The following GRID2 variants were observed in gnomAD, a reference collection of about 807,000 sequenced individuals.
GRID2 encodes glutamate receptor ionotropic, delta-2.
In GRID2, 33 loss-of-function variants were observed where a neutral mutation model predicts 114.8. The observed-to-expected ratio is 0.29, with a 90% CI of 0.22 to 0.38. GRID2 has a LOEUF of 0.38. GRID2 is among the 10% of genes least tolerant of loss of function. The pLI, the probability that GRID2 is intolerant of heterozygous loss-of-function variation, is 1.00. For synonymous variants in GRID2, 505 were observed against 449.9 expected (o/e 1.12, Z -1.55); for missense variants, 1,184 against 1,257.7 (o/e 0.94, Z 0.89).
In GRID2 at chr4:92,578,733, A is replaced by AATCTATCT. The variant is rs75145260; in HGVS notation, c.89-11372_89-11365dup. On this transcript the variant is annotated intron_variant, in intron 1 of 15. Coordinates refer to ENST00000282020, the MANE Select transcript of GRID2 (RefSeq NM_001510.4). ...AAATATCATTATCTATCTATCTATC[A>AATCTATCT]ATCTATCTATCTATCTATCTATCTA... is the stretch of plus-strand genomic sequence containing the variant. 3.5e-3 allele frequency among the ~76,000 whole-genome samples: 530 copies of AATCTATCT among 149,446 alleles called. 1 individual carries two copies. Among genetic ancestry groups the AATCTATCT allele is most frequent in the African/African-American group, 8.9e-3 (359 of 40,542 alleles).
chr4:92,796,701 G>T (rs1467350543), intron 2 of GRID2, among the ~76,000 whole-genome samples: 1 of 151,820 alleles, frequency 6.6e-6, no homozygotes, highest in Non-Finnish European at 1.5e-5. Context: ...GAACTTGTTT[G>T]CTGCCTCTTG....
intron 13 of GRID2, among the ~76,000 whole-genome samples, chr4:93,608,140 A>C (rs59285399): frequency 0.038 from 5,736 of 149,666 alleles, 375 homozygotes; most frequent in African/African-American, 0.13. Context: ...ATATACGTCT[A>C]TGTGTATACA....
chr4:93,626,058 A>T lies in GRID2; in HGVS notation c.2194-211A>T, dbSNP rs6532419. 0.28 allele frequency among the ~76,000 whole-genome samples: 42,322 copies of T among 152,192 alleles called. 8,437 individuals are homozygous for T. The highest frequency in any genetic ancestry group is 0.57 in the African/African-American group (23,680 of 41,500). On this transcript the variant is annotated intron_variant, in intron 13 of 15. Transcript: ENST00000282020. ...GTAGAGATTATATGCAAATACTATG[A>T]CATTTTATATAAGGACTTGAGCATC... is the stretch of plus-strand genomic sequence containing the variant.
exon 2 of GRID2, chr4:93,807,135 A>C (rs752224939): frequency 6.6e-6 from 1 of 152,216 alleles, no homozygotes; most frequent in Non-Finnish European, 1.5e-5. Flanking sequence ...CCTTAGAAGG[A>C]TGCTTCTATG....
rs564205362 is a variant in GRID2 at position 92,587,278 on chromosome 4, A to T, written c.89-2853A>T. ...TAGATGCTTTGACATCATGTTAACT[A>T]CATAGTTAAGAATGTTACATTTGAG... On this transcript the variant is annotated intron_variant, in intron 1 of 15. Transcript: ENST00000282020. 7.2e-4 allele frequency among the ~76,000 whole-genome samples: 109 copies of T among 152,116 alleles called. 1 individual carries two copies. The highest frequency in any genetic ancestry group is 9.3e-4 in the Non-Finnish European group (63 of 67,968).
rs541561480 is a variant in GRID2 at position 93,157,092 on chromosome 4, G to C, written c.735+46139G>C. Among the ~76,000 whole-genome samples, 6 of 151,812 alleles carry C rather than the reference G, an allele frequency of 4.0e-5. No homozygotes were observed. In the East Asian group the frequency reaches 1.2e-3, roughly 29 times the overall value. On this transcript the variant is annotated intron_variant, in intron 4 of 15. Transcript: ENST00000282020. ...ATTTTACTCAATCCCTTCTGTTAAA[G>C]TGAAATTTTGTCACCAAATGAATCC... is the stretch of plus-strand genomic sequence containing the variant.
chr4:93,691,840 A>C (rs1726592105), intron 14 of GRID2, among the ~76,000 whole-genome samples: 1 of 151,906 alleles, frequency 6.6e-6, no homozygotes, highest in African/African-American at 2.4e-5. Context: ...TCATTCTCTG[A>C]GATCTGACAT....
chr4:92,706,483 C>CACATATATTAGTCAT (rs1278235144), intron 2 of GRID2, among the ~76,000 whole-genome samples: 2 of 152,024 alleles, frequency 1.3e-5, no homozygotes, highest in Admixed American at 6.6e-5. Context: ...GTATGAGTCA[C>CACATATATTAGTCAT]ACATATATTA....
chr4:93,569,184 AC>A (rs1417698634), intron 13 of GRID2, among the ~76,000 whole-genome samples: 1 of 152,174 alleles, frequency 6.6e-6, no homozygotes. Context: ...AGTTCAAGCT[AC>A]TGTCTTCTGG....
chr4:92,314,914 T>C (rs1725889842), intron 1 of GRID2, among the ~76,000 whole-genome samples: 2 of 152,164 alleles, frequency 1.3e-5, no homozygotes, highest in Admixed American at 6.5e-5. Flanking sequence ...ATAAATTCAT[T>C]TGGCATATCA....
At chr4:92,722,446 A>G (rs542046461) in intron 2 of GRID2, among the ~76,000 whole-genome samples, 1 of 152,302 alleles carries the variant, frequency 6.6e-6, no homozygotes, top group East Asian at 1.9e-4. Context: ...GAGAATGAGG[A>G]AAAGGGGAAC....
At chr4:92,824,136 G>C (rs909243345) in intron 2 of GRID2, among the ~76,000 whole-genome samples, 1 of 152,134 alleles carries the variant, frequency 6.6e-6, no homozygotes, top group Non-Finnish European at 1.5e-5. Context: ...GGAATGTTAG[G>C]AGTTTGACCT....
chr4:92,977,241 C>T (rs964652357), intron 2 of GRID2, among the ~76,000 whole-genome samples: 2 of 152,050 alleles, frequency 1.3e-5, no homozygotes, highest in Admixed American at 6.6e-5. Context: ...GTGATGCAGA[C>T]CTACTGAATA....
At chr4:93,796,276 G>C (rs535616769) in intron 1 of GRID2, among the ~76,000 whole-genome samples, 1 of 151,904 alleles carries the variant, frequency 6.6e-6, no homozygotes, top group East Asian at 1.9e-4. Flanking sequence ...TACTCCACTA[G>C]AGTCACAAGT....
intron 2 of GRID2, among the ~76,000 whole-genome samples, chr4:92,958,118 TC>T (rs2149146782): frequency 6.6e-6 from 1 of 152,212 alleles, no homozygotes; most frequent in East Asian, 1.9e-4. Flanking sequence ...TTTTAATTCT[TC>T]TACACCAGTA....
chr4:93,576,601 A>AT (rs1354289657), intron 13 of GRID2, among the ~76,000 whole-genome samples: 2 of 152,172 alleles, frequency 1.3e-5, no homozygotes, highest in Non-Finnish European at 2.9e-5. Flanking sequence ...TTATCTATAT[A>AT]TTTTTCAAAT....
chr4:92,558,108 A>G (rs1269524836), intron 1 of GRID2, among the ~76,000 whole-genome samples: 5 of 152,010 alleles, frequency 3.3e-5, no homozygotes, highest in African/African-American at 1.2e-4. Flanking sequence ...ATTGGGTAAC[A>G]TTGTTCCTGT....
chr4:92,463,828 G>T (rs1403004233), intron 1 of GRID2, among the ~76,000 whole-genome samples: 1 of 151,940 alleles, frequency 6.6e-6, no homozygotes, highest in Admixed American at 6.6e-5. Flanking sequence ...TAGTAAGTGG[G>T]ATACTGAAGT....
intron 1 of GRID2, among the ~76,000 whole-genome samples, chr4:92,516,150 T>C (rs1171882031): frequency 2.6e-5 from 4 of 151,934 alleles, no homozygotes; most frequent in African/African-American, 9.7e-5. Context: ...TAACGTATGC[T>C]GCAGAGAATC....
Sources: allele counts gnomAD v4.1 joint callset (sites outside exome capture counted in the v4.1 genomes callset), GRCh38; gene constraint gnomAD v4.1.1; transcripts MANE v1.5; gene names NCBI Gene and HGNC (gene_info 2026-07-23, HGNC 2026-07-21).